The following PCNX2 variants were observed in gnomAD, a reference collection of about 807,000 sequenced individuals.
PCNX2 encodes the protein pecanex 2, also known as pecanex-like protein 2.
PCNX2 carries 168 observed loss-of-function variants against 223.8 expected under a neutral mutation model. That is an observed-to-expected ratio of 0.75 (90% CI 0.66 to 0.85). The LOEUF is 0.85. Ranked by LOEUF, PCNX2 falls within the 40% of genes least tolerant of loss-of-function variation. PCNX2 has a pLI of 0.00. For synonymous variants in PCNX2, 1,006 were observed against 1,052.6 expected, an observed-to-expected ratio of 0.96 and a Z score of 0.86; for missense variants, 2,507 against 2,675.5, an observed-to-expected ratio of 0.94 and a Z score of 1.39.
intron 23 of PCNX2, among the ~76,000 whole-genome samples, chr1:233,078,972 T>C (rs2102918172): frequency 6.6e-6 from 1 of 152,280 alleles, no homozygotes; most frequent in Non-Finnish European, 1.5e-5. Context: ...AAGTTCATAA[T>C]TTGGCTTCTC....
intron 21 of PCNX2, among the ~76,000 whole-genome samples, chr1:233,113,622 G>C (rs931744751): frequency 2.6e-5 from 4 of 152,240 alleles, no homozygotes; most frequent in Non-Finnish European, 5.9e-5. Context: ...AAATACAGCA[G>C]TGGTCTCACC....
intron 23 of PCNX2, chr1:233,086,989 A>T: frequency 1.0e-6 from 1 of 976,478 alleles, no homozygotes; most frequent in Non-Finnish European, 1.2e-6. Flanking sequence ...TTAGGAGGCT[A>T]GGGTAAAAAG....
At chr1:233,316,629 T>C in the PCNX2 span, among the ~76,000 whole-genome samples, 1 of 152,212 alleles carries the variant, frequency 6.6e-6, no homozygotes, top group South Asian at 2.1e-4. Context: ...TCAGATAATG[T>C]GAAAGTCGAA....
chr1:232,989,804 AG>A (rs1347858101), intron 32 of PCNX2, among the ~76,000 whole-genome samples: 27 of 152,236 alleles, frequency 1.8e-4, no homozygotes, highest in African/African-American at 6.3e-4. Context: ...GGCCATTAGA[AG>A]CATTTCAAAA....
chr1:233,078,977 C>T (rs187198158), intron 23 of PCNX2, among the ~76,000 whole-genome samples: 12 of 152,276 alleles, frequency 7.9e-5, no homozygotes, highest in Admixed American at 7.8e-4. Flanking sequence ...CATAATTTGG[C>T]TTCTCAGAAG....
In PCNX2 at chr1:233,285,936, A is replaced by C. The variant is rs969036347; in HGVS notation, c.153+9390T>G. Among the ~76,000 whole-genome samples the C allele has an allele frequency of 2.0e-5, 3 of 152,232 alleles. No homozygotes were observed. The East Asian group carries it at 5.8e-4, about 29-fold the overall frequency. ...TCATGATCTCCAAGATGTTCCATCA[A>C]GAGGGACAACAGGGCTATGTATGCA... On this transcript the variant is annotated intron_variant, in intron 1 of 33. Transcript: ENST00000258229.
At chr1:233,158,800 T>G (rs546033994) in intron 19 of PCNX2, among the ~76,000 whole-genome samples, 21 of 152,282 alleles carry the variant, frequency 1.4e-4, no homozygotes, top group African/African-American at 4.8e-4. Context: ...TCACCAACAC[T>G]TAGTCTTTCT....
chr1:233,131,439 C>T (rs1676501248), intron 21 of PCNX2, among the ~76,000 whole-genome samples: 1 of 152,096 alleles, frequency 6.6e-6, no homozygotes, highest in South Asian at 2.1e-4. Context: ...TTAGGACTTT[C>T]AGGCAGAATC....
chr1:232,999,857 T>G (rs1349620385), intron 30 of PCNX2, among the ~76,000 whole-genome samples: 1 of 152,204 alleles, frequency 6.6e-6, no homozygotes, highest in Non-Finnish European at 1.5e-5. Flanking sequence ...ATGGGGAAAC[T>G]GAGAGAGAAT....
intron 27 of PCNX2, among the ~76,000 whole-genome samples, chr1:233,015,723 A>G (rs777045437): frequency 3.9e-5 from 6 of 151,976 alleles, no homozygotes; most frequent in Non-Finnish European, 8.8e-5. Context: ...AAATATAATA[A>G]ATTAGCCAGG....
intron 25 of PCNX2, among the ~76,000 whole-genome samples, chr1:233,037,287 A>G (rs1198969600): frequency 7.2e-5 from 11 of 152,144 alleles, no homozygotes; most frequent in Admixed American, 7.2e-4. Context: ...CCCTAGTTCC[A>G]GTTTCCAGTC....
chr1:233,251,300 G>C (rs891788157), intron 7 of PCNX2, among the ~76,000 whole-genome samples: 1 of 152,186 alleles, frequency 6.6e-6, no homozygotes, highest in African/African-American at 2.4e-5. Flanking sequence ...GCCTCCAACT[G>C]TGCAGATGAG....
At chr1:233,207,018 A>G (rs987394877) in intron 13 of PCNX2, among the ~76,000 whole-genome samples, 10 of 150,482 alleles carry the variant, frequency 6.6e-5, no homozygotes, top group African/African-American at 9.9e-5. Context: ...CAAAAAAAAA[A>G]AAGAAGAAGA....
At chr1:232,988,432 T>TA (rs935767053) in intron 32 of PCNX2, among the ~76,000 whole-genome samples, 6 of 151,632 alleles carry the variant, frequency 4.0e-5, no homozygotes, top group African/African-American at 1.5e-4. Context: ...TTTTTTTTTT[T>TA]AATTAATTTT....
At chr1:233,049,550 A>G (rs1671926864) in intron 25 of PCNX2, among the ~76,000 whole-genome samples, 1 of 152,186 alleles carries the variant, frequency 6.6e-6, no homozygotes, top group Admixed American at 6.5e-5. Flanking sequence ...AAACCAGAAC[A>G]AGACAAGGAT....
At chr1:233,081,655 T>C (rs1673365484) in intron 23 of PCNX2, among the ~76,000 whole-genome samples, 1 of 152,234 alleles carries the variant, frequency 6.6e-6, no homozygotes, top group Non-Finnish European at 1.5e-5. Context: ...CTCCATTCTT[T>C]TGAGCTATAA....
rs1659866052 is a variant in PCNX2 at position 233,258,597 on chromosome 1, T to C, written c.1265A>G (p.Asn422Ser). The C allele has an allele frequency of 2.5e-6, 4 of 1,613,974 alleles. No homozygotes were observed. Among genetic ancestry groups the C allele is most frequent in the African/African-American group, 2.7e-5 (2 of 75,048 alleles). Residue 422 changes from asparagine to serine, a missense_variant, in exon 5 of 34, where the codon AAT becomes AGT. Physicochemically the swap from Asn to Ser is conservative, Grantham distance 46. Transcript: ENST00000258229. ...TACAGGAATTGAGATCTGCTCGGCATTTGGAGAACCGGCCGCCCCTGGGTT... is the reference window on the plus strand; with the variant it reads ...TACAGGAATTGAGATCTGCTCGGCACTTGGAGAACCGGCCGCCCCTGGGTT... ...PTNPGAAGSP[N>S]AEQISIPVIT... is the part of the protein sequence containing the mutation.
At chr1:233,027,279 G>A (rs573445809) in intron 25 of PCNX2, among the ~76,000 whole-genome samples, 1 of 152,170 alleles carries the variant, frequency 6.6e-6, no homozygotes, top group Admixed American at 6.5e-5. Flanking sequence ...GTGGAATGGT[G>A]GGGGAGGGGT....
In PCNX2 at chr1:233,258,609, G is replaced by A. The variant is rs1659867071; in HGVS notation, c.1253C>T (p.Ala418Val). The stretch of plus-strand genomic sequence containing the variant: ...GATCTGCTCGGCATTTGGAGAACCG[G>A]CCGCCCCTGGGTTAGTGGGCTCAGC... ...SDAEPTNPGA[A>V]GSPNAEQISI... Residue 418 changes from alanine (A) to valine (V), a missense_variant, in exon 5 of 34, where the codon GCC becomes GTC. Transcript: ENST00000258229. 3 of 1,613,804 alleles carry A rather than the reference G, an allele frequency of 1.9e-6. No homozygotes were observed. The highest frequency in any genetic ancestry group is 3.3e-5 in the Admixed American group (2 of 59,996).
Sources: gnomAD v4.1 joint callset for allele counts (sites outside exome capture counted in the v4.1 genomes callset) on GRCh38, gnomAD v4.1.1 for gene constraint, MANE v1.5 for transcripts, NCBI Gene and HGNC (gene_info 2026-07-23, HGNC 2026-07-21) for gene names.